ACOT7: variants seen among roughly 807,000 people sequenced by gnomAD.
ACOT7 encodes acyl-CoA thioesterase 7.
Under a neutral mutation model 40.2 loss-of-function variants are expected in ACOT7, and 12 were observed. That is an observed-to-expected ratio of 0.30 (90% CI 0.19 to 0.48). The LOEUF is 0.48. Among genes scored for constraint, ACOT7 ranks in the 20% least tolerant of loss-of-function variants. The pLI, the probability that ACOT7 is intolerant of heterozygous loss-of-function variation, is 0.99. For synonymous variants in ACOT7, 228 were observed against 219.5 expected, an observed-to-expected ratio of 1.04 and a Z score of -0.34; for missense variants, 395 against 530.8, an observed-to-expected ratio of 0.74 and a Z score of 2.51.
rs1433493830 is a variant in ACOT7 at position 6,318,591 on chromosome 1, AAG to A, written c.626-15_626-14del. Reference sequence around the variant, plus strand: ...ACAGTGTTCGGCTCTGGAATTGCAAAAGAGAGAGATTAGTTATGGGGTAGGCT... The same window carrying A: ...ACAGTGTTCGGCTCTGGAATTGCAAAAGAGAGATTAGTTATGGGGTAGGCT... On this transcript the variant is annotated splice_polypyrimidine_tract_variant and intron_variant, in intron 5 of 8. Transcript: ENST00000361521. The A allele has an allele frequency of 1.2e-6, 2 of 1,613,288 alleles. No individual in the cohort carries two copies. Among genetic ancestry groups the A allele is most frequent in the South Asian group, 1.1e-5 (1 of 90,932 alleles).
intron 1 of ACOT7, among the ~76,000 whole-genome samples, chr1:6,364,367 C>A (rs1042597687): frequency 2.6e-5 from 4 of 151,124 alleles, no homozygotes; most frequent in Admixed American, 2.0e-4. Context: ...CATGGAAAAA[C>A]CCCATCTCTA....
intron 1 of ACOT7, among the ~76,000 whole-genome samples, chr1:6,364,576 G>A (rs1041203518): frequency 2.7e-5 from 4 of 150,674 alleles, no homozygotes; most frequent in Non-Finnish European, 5.9e-5. Context: ...TTGGCCTGGC[G>A]CAGTGGCTCA....
chr1:6,328,609 G>C (rs1024727888), intron 4 of ACOT7, among the ~76,000 whole-genome samples: 26 of 152,260 alleles, frequency 1.7e-4, no homozygotes, highest in Admixed American at 7.2e-4. Flanking sequence ...TTGAATCCGG[G>C]AGATGGAGGT....
intron 1 of ACOT7, among the ~76,000 whole-genome samples, chr1:6,363,377 G>A (rs535744404): frequency 3.9e-5 from 6 of 152,128 alleles, no homozygotes; most frequent in African/African-American, 1.4e-4. Flanking sequence ...CCCCCGGGGA[G>A]TTTAGAGAAG....
intron 5 of ACOT7, among the ~76,000 whole-genome samples, chr1:6,321,391 T>A (rs1420821500): frequency 1.3e-5 from 2 of 152,230 alleles, no homozygotes. Flanking sequence ...TTTCCAAGTG[T>A]CACGCTCAAG....
chr1:6,288,697 T>C lies in ACOT7; in HGVS notation c.829+6167A>G, dbSNP rs1442355005. Among the ~76,000 whole-genome samples the C allele has an allele frequency of 6.6e-6, 1 of 152,116 alleles. No individual in the cohort carries two copies. The highest frequency in any genetic ancestry group is 1.5e-5 in the Non-Finnish European group (1 of 68,018). ...AGAGTCTGGTTCATAAATGCCAAAT[T>C]TGCAGCCAACAGAGCTGGGCCCACG... On this transcript the variant is annotated intron_variant, in intron 7 of 8. Transcript: ENST00000361521. This position sits in a 1 kb window ranked among gnomAD's most constrained non-coding sequence, Gnocchi z 4.3.
chr1:6,322,263 C>G (rs1165940588), intron 5 of ACOT7, among the ~76,000 whole-genome samples: 1 of 152,142 alleles, frequency 6.6e-6, no homozygotes, highest in Non-Finnish European at 1.5e-5. Context: ...GGTGGGGAGG[C>G]CCCCAGAATG....
Position 6,378,107 on chromosome 1 carries a change from T to C in ACOT7, c.143+15150A>G, listed in dbSNP as rs867618718. Among the ~76,000 whole-genome samples the C allele has an allele frequency of 5.3e-5, 8 of 151,882 alleles. No homozygotes were observed. The East Asian group carries it at 1.2e-3, about 22-fold the overall frequency. On this transcript the variant is annotated intron_variant, in intron 1 of 8. Transcript: ENST00000361521. ...ACAAACAAACAAACAACGGCACCAG[T>C]TACAAGGCCAAAGCATCCACTCGCT...
At chr1:6,335,869 C>G (rs1203071842) in intron 3 of ACOT7, among the ~76,000 whole-genome samples, 2 of 152,206 alleles carry the variant, frequency 1.3e-5, no homozygotes, top group East Asian at 1.9e-4. Context: ...ATCTGACAAC[C>G]TGCTTTTGGG....
intron 7 of ACOT7, among the ~76,000 whole-genome samples, chr1:6,293,348 T>C (rs1639726193): frequency 6.6e-6 from 1 of 152,026 alleles, no homozygotes; most frequent in Non-Finnish European, 1.5e-5. Flanking sequence ...CTAGAAAAAA[T>C]AGCATGGAAT....
At position 6,272,242 on chromosome 1, in the gene ACOT7, G is replaced by GATGA. The variant is rs111930372; in HGVS notation, c.1015-7551_1015-7548dup. Among the ~76,000 whole-genome samples the GATGA allele has an allele frequency of 5.2e-3, 790 of 152,352 alleles. 5 individuals are homozygous for GATGA. The highest frequency in any genetic ancestry group is 0.018 in the African/African-American group (733 of 41,574). Reference sequence around the variant, plus strand: ...GGGCACAGGAGGTGTTTGCTGGATGGATGAATGAATGAATGAATGAATGAT... The same window carrying GATGA: ...GGGCACAGGAGGTGTTTGCTGGATGGATGAATGAATGAATGAATGAATGAATGAT... On this transcript the variant is annotated intron_variant, in intron 8 of 8. Coordinates refer to ENST00000361521, the MANE Select transcript of ACOT7 (RefSeq NM_007274.4).
intron 8 of ACOT7, among the ~76,000 whole-genome samples, chr1:6,273,262 A>AGGGG (rs1639087659): frequency 6.6e-6 from 1 of 152,232 alleles, no homozygotes; most frequent in African/African-American, 2.4e-5. Context: ...AGGGAAGGCG[A>AGGGG]GAGCCAGGCT....
At chr1:6,270,053 G>A (rs1025592405) in intron 8 of ACOT7, among the ~76,000 whole-genome samples, 18 of 152,232 alleles carry the variant, frequency 1.2e-4, no homozygotes, top group Admixed American at 6.5e-5. Flanking sequence ...TCTGTCCCAT[G>A]GTAGGTTACG....
chr1:6,277,010 G>C (rs1441650292), intron 8 of ACOT7, among the ~76,000 whole-genome samples: 1 of 151,962 alleles, frequency 6.6e-6, no homozygotes, highest in African/African-American at 2.4e-5. Flanking sequence ...AGGGTATGGA[G>C]TTCTGGAAGG....
rs891741801 is a variant in ACOT7 at position 6,306,705 on chromosome 1, A to C, written c.713-11725T>G. ...TCACCTCTTGATCCCCCTAGACCAGAAGTTCCTCAAGAGTAGGGAACAGCT... is the reference window on the plus strand; with the variant it reads ...TCACCTCTTGATCCCCCTAGACCAGCAGTTCCTCAAGAGTAGGGAACAGCT... On this transcript the variant is annotated intron_variant, in intron 6 of 8. Coordinates refer to ENST00000361521, the MANE Select transcript of ACOT7 (RefSeq NM_007274.4). The surrounding 1 kb of genome is among the most constrained non-coding windows in gnomAD (Gnocchi z 4.3). 1 of 985,262 alleles carries C rather than the reference A, an allele frequency of 1.0e-6. No individual in the cohort carries two copies. The highest frequency in any genetic ancestry group is 1.2e-6 in the Non-Finnish European group (1 of 829,930). The allele number at this position is 985,262 out of a possible 1,614,324, so 61.0% of individuals were successfully genotyped here.
chr1:6,310,048 C>T (rs938700258), intron 6 of ACOT7, among the ~76,000 whole-genome samples: 5 of 152,178 alleles, frequency 3.3e-5, no homozygotes, highest in Admixed American at 1.3e-4. Context: ...ACCGTTCACA[C>T]GTCACCTTCA....
rs541717421 is a variant in ACOT7 at position 6,322,791 on chromosome 1, T to C, written c.626-4213A>G. ...CAGGACCTCAACATATGATTTGTGG[T>C]GACACAATTTAGCAACCATGACCCA... On this transcript the variant is annotated intron_variant, in intron 5 of 8. Coordinates refer to ENST00000361521, the MANE Select transcript of ACOT7 (RefSeq NM_007274.4). Among the ~76,000 whole-genome samples, 142 of 152,326 alleles carry C rather than the reference T, an allele frequency of 9.3e-4. 1 individual carries two copies. Among genetic ancestry groups the C allele is most frequent in the African/African-American group, 2.9e-3 (122 of 41,578 alleles).
At chr1:6,346,595 C>T (rs1641430650) in intron 2 of ACOT7, among the ~76,000 whole-genome samples, 1 of 152,242 alleles carries the variant, frequency 6.6e-6, no homozygotes, top group African/African-American at 2.4e-5. Context: ...GTGCCTTTGG[C>T]TTTGGGCGAA....
intron 1 of ACOT7, among the ~76,000 whole-genome samples, chr1:6,357,736 A>C (rs1641785995): frequency 6.6e-6 from 1 of 152,182 alleles, no homozygotes; most frequent in African/African-American, 2.4e-5. Context: ...GCCTCACACC[A>C]GGCAGCCTTG....
Sources: gnomAD v4.1 joint callset for allele counts (sites outside exome capture counted in the v4.1 genomes callset) on GRCh38, gnomAD v4.1.1 for gene constraint, Gnocchi (gnomAD v3.1) non-coding constraint, MANE v1.5 for transcripts, NCBI Gene and HGNC (gene_info 2026-07-23, HGNC 2026-07-21) for gene names.